The following PCNT variants were observed in gnomAD, a reference collection of about 807,000 sequenced individuals.
The protein encoded by PCNT is kendrin.
Under a neutral mutation model 380.4 loss-of-function variants are expected in PCNT, and 319 were observed. That is an observed-to-expected ratio of 0.84 (90% CI 0.77 to 0.92). The LOEUF (loss-of-function observed/expected upper bound fraction) is 0.92. Among genes scored for constraint, PCNT ranks in the 40% least tolerant of loss-of-function variants. The pLI is 0.00. For missense variants in PCNT, 4,400 were observed against 4,255.3 expected, an observed-to-expected ratio of 1.03 and a Z score of -0.95; for synonymous variants, 1,845 against 1,735.2, an observed-to-expected ratio of 1.06 and a Z score of -1.57.
At chr21:46,409,874 G>A (rs1480211571) in intron 27 of PCNT, among the ~76,000 whole-genome samples, 2 of 152,182 alleles carry the variant, frequency 1.3e-5, no homozygotes, top group East Asian at 1.9e-4. Context: ...GGTTACAGAC[G>A]TGAGCCACCG....
chr21:46,439,999 C>G, intron 41 of PCNT, 84 bp from the exon 42 acceptor site: 1 of 1,568,358 alleles, frequency 6.4e-7, no homozygotes, highest in Non-Finnish European at 8.8e-7. Flanking sequence ...ATGGCCTTCT[C>G]CCTCACCTGC....
In PCNT at chr21:46,436,943, G is replaced by A. The variant is rs530640530; in HGVS notation, c.8997-36G>A. ...GTTTTGCATAATGGTCACTTGGGGC[G>A]CGTATGCAACTTTGAGTGCCCATTT... On this transcript the variant is annotated intron_variant, in intron 39 of 46. Coordinates refer to ENST00000359568, the MANE Select transcript of PCNT (RefSeq NM_006031.6). 34 of 1,418,446 alleles carry A rather than the reference G, an allele frequency of 2.4e-5. 1 individual carries two copies. The highest frequency in any genetic ancestry group is 1.8e-4 in the Middle Eastern group (1 of 5,666). The allele number at this position is 1,418,446 out of a possible 1,614,324, so 87.9% of individuals were successfully genotyped here. A position where few individuals can be genotyped will look rare whatever the true frequency, so the allele number is the denominator to read the frequency against.
At chr21:46,415,991 C>T (rs2087011667) in intron 29 of PCNT, 78 bp from the exon 30 acceptor site, 2 of 1,425,470 alleles carry the variant, frequency 1.4e-6, no homozygotes, top group Admixed American at 1.7e-5. Context: ...TCCCTGAAAT[C>T]CACTCATTAA....
chr21:46,409,903 T>C (rs1684136048), intron 27 of PCNT, among the ~76,000 whole-genome samples: 1 of 152,218 alleles, frequency 6.6e-6, no homozygotes, highest in Non-Finnish European at 1.5e-5. Context: ...CTCAGTTCAC[T>C]GATTTCAGGT....
intron 30 of PCNT, 34 bp downstream of exon 30, chr21:46,416,873 C>T (rs370935598): frequency 1.9e-6 from 3 of 1,594,214 alleles, no homozygotes; most frequent in Non-Finnish European, 2.5e-6. Context: ...GCCTGCTGTT[C>T]CCGTGGGAAT....
chr21:46,391,654 A>C (rs1017764833), intron 21 of PCNT, among the ~76,000 whole-genome samples: 4 of 152,220 alleles, frequency 2.6e-5, no homozygotes, highest in African/African-American at 9.6e-5. Flanking sequence ...CTCTGAGTCC[A>C]ACAGCAGCAG....
Position 46,388,278 on chromosome 21 carries a change from C to G in PCNT, c.3465-464C>G, listed in dbSNP as rs2085910756. Among the ~76,000 whole-genome samples, 1 of 151,940 alleles carries G rather than the reference C, an allele frequency of 6.6e-6. No homozygotes were observed. The highest frequency in any genetic ancestry group is 1.9e-4 in the East Asian group (1 of 5,176). ...AGGCCTAGCGAGAGGCTGGGAGACACCATCCTCTTCCTGCCACACAACTCC... is the reference window on the plus strand; with the variant it reads ...AGGCCTAGCGAGAGGCTGGGAGACAGCATCCTCTTCCTGCCACACAACTCC... On this transcript the variant is annotated intron_variant, in intron 17 of 46. Transcript: ENST00000359568. The surrounding 1 kb of genome is among the most constrained non-coding windows in gnomAD (Gnocchi z 4.2).
chr21:46,419,620 G>A (rs116155965), intron 31 of PCNT, among the ~76,000 whole-genome samples: 2,136 of 152,286 alleles, frequency 0.014, 58 homozygotes, highest in African/African-American at 0.049. Flanking sequence ...AGTTTCTCCT[G>A]TGTGCTTCAC....
intron 13 of PCNT, among the ~76,000 whole-genome samples, chr21:46,359,480 G>GTTGT (rs2084609442): frequency 3.0e-5 from 2 of 65,750 alleles, no homozygotes; most frequent in Admixed American, 4.1e-4. Flanking sequence ...AAATACACCT[G>GTTGT]TTTTTTTTTT....
intron 33 of PCNT, among the ~76,000 whole-genome samples, chr21:46,426,503 G>A (rs553628670): frequency 2.6e-5 from 4 of 152,322 alleles, no homozygotes; most frequent in South Asian, 4.1e-4. Context: ...GTGAGCCTGC[G>A]GGGAGGCTGA....
chr21:46,393,936 C>T (rs2086121640), intron 21 of PCNT, among the ~76,000 whole-genome samples: 1 of 152,252 alleles, frequency 6.6e-6, no homozygotes, highest in Admixed American at 6.5e-5. Flanking sequence ...CTTGCAGTGG[C>T]AGGCGCCTGG....
chr21:46,401,121 C>T (rs1399066923), intron 25 of PCNT, among the ~76,000 whole-genome samples: 1 of 152,216 alleles, frequency 6.6e-6, no homozygotes, highest in African/African-American at 2.4e-5. Context: ...ATATGTCATG[C>T]TCTTGCGCAT....
chr21:46,365,203 ATTCACTGCTGTGGGGTTCTG>A (rs2084857358), intron 14 of PCNT, among the ~76,000 whole-genome samples: 1 of 132,658 alleles, frequency 7.5e-6, no homozygotes, highest in African/African-American at 2.8e-5. Context: ...GTGGGGTTCT[ATTCACTGCTGTGGGGTTCTG>A]TTCACTGCCG....
chr21:46,333,420 A>C (rs1404821710), intron 2 of PCNT, among the ~76,000 whole-genome samples: 1 of 151,722 alleles, frequency 6.6e-6, no homozygotes, highest in Non-Finnish European at 1.5e-5. Flanking sequence ...TGACAGAGTG[A>C]GACTTCGTCT....
chr21:46,375,195 G>A (rs1386458335), intron 15 of PCNT, among the ~76,000 whole-genome samples: 2 of 152,132 alleles, frequency 1.3e-5, no homozygotes, highest in East Asian at 1.9e-4. Context: ...GTAACACGAC[G>A]CAGAGCTGAG....
intron 2 of PCNT, among the ~76,000 whole-genome samples, chr21:46,332,575 C>T (rs1344093703): frequency 6.6e-6 from 1 of 152,246 alleles, no homozygotes; most frequent in Non-Finnish European, 1.5e-5. Flanking sequence ...ATTGAGACTA[C>T]TGTGTCCCCT....
At chr21:46,426,753 G>C (rs1318761325) in intron 33 of PCNT, among the ~76,000 whole-genome samples, 1 of 152,146 alleles carries the variant, frequency 6.6e-6, no homozygotes, top group Non-Finnish European at 1.5e-5. Flanking sequence ...CTGCCTGTCT[G>C]CTTCCATCAC....
chr21:46,328,271 C>T (rs62854961), intron 2 of PCNT, among the ~76,000 whole-genome samples: 5 of 145,680 alleles, frequency 3.4e-5, no homozygotes, highest in South Asian at 2.1e-4. Flanking sequence ...TTTTTTTTCC[C>T]GTTTTCTTTT....
chr21:46,354,143 G>C (rs547432806), intron 11 of PCNT, 75 bp downstream of exon 11: 59 of 1,308,060 alleles, frequency 4.5e-5, no homozygotes, highest in Non-Finnish European at 6.2e-5. Context: ...CCACATTATA[G>C]AGCCTGTGTT....
Sources: gnomAD v4.1 joint callset for allele counts (sites outside exome capture counted in the v4.1 genomes callset) on GRCh38, gnomAD v4.1.1 for gene constraint, Gnocchi (gnomAD v3.1) non-coding constraint, MANE v1.5 for transcripts, NCBI Gene and HGNC (gene_info 2026-07-23, HGNC 2026-07-21) for gene names.